DROSHA: variants seen among roughly 807,000 people sequenced by gnomAD.
DROSHA encodes the protein ribonuclease 3.
Under a neutral mutation model 181.9 loss-of-function variants are expected in DROSHA, and 56 were observed. The observed-to-expected ratio is 0.31, with a 90% confidence interval of 0.25 to 0.38. DROSHA has a LOEUF of 0.38. Ranked by LOEUF, DROSHA falls within the 10% of genes least tolerant of loss-of-function variation. The pLI is 1.00. For synonymous variants in DROSHA, 524 were observed against 591.2 expected, an observed-to-expected ratio of 0.89 and a Z score of 1.65; for missense variants, 1,218 against 1,743.5, an observed-to-expected ratio of 0.70 and a Z score of 5.37.
At chr5:31,527,043 G>T in intron 4 of DROSHA, 131 bp from the exon 5 acceptor site, 1 of 772,578 alleles carries the variant, frequency 1.3e-6, no homozygotes. Context: ...ACTGGAATAG[G>T]CCACCCATTT....
chr5:31,432,194 T>C (rs1400714178), intron 25 of DROSHA, among the ~76,000 whole-genome samples: 1 of 151,916 alleles, frequency 6.6e-6, no homozygotes, highest in Non-Finnish European at 1.5e-5. Context: ...TGCAGTGGTA[T>C]GATCTTGGCT....
At chr5:31,464,374 C>T (rs755264473) in intron 19 of DROSHA, 31 bp from the exon 20 acceptor site, 2 of 1,594,286 alleles carry the variant, frequency 1.3e-6, no homozygotes, top group South Asian at 1.1e-5. Flanking sequence ...ATGAGTAACA[C>T]AACTGCTATA....
intron 5 of DROSHA, among the ~76,000 whole-genome samples, chr5:31,524,703 G>A (rs977149486): frequency 2.0e-5 from 3 of 152,102 alleles, no homozygotes; most frequent in African/African-American, 7.2e-5. Flanking sequence ...ACACAAAAAA[G>A]TTGCATATAA....
chr5:31,486,052 T>G (rs998572017), intron 14 of DROSHA, among the ~76,000 whole-genome samples: 3 of 152,158 alleles, frequency 2.0e-5, no homozygotes, highest in African/African-American at 7.2e-5. Context: ...GCACTCGCAA[T>G]GAAAAACAAT....
chr5:31,438,857 AAAG>A (rs757490057), intron 23 of DROSHA, among the ~76,000 whole-genome samples: 4 of 152,052 alleles, frequency 2.6e-5, no homozygotes, highest in Admixed American at 1.3e-4. Context: ...GGAAGCCAGA[AAAG>A]AAGACCTGGC....
intron 3 of DROSHA, among the ~76,000 whole-genome samples, chr5:31,529,491 T>A (rs1740971700): frequency 6.6e-6 from 1 of 152,014 alleles, no homozygotes; most frequent in Admixed American, 6.6e-5. Flanking sequence ...ATCCCAGCAC[T>A]TTGGGAGGTC....
intron 19 of DROSHA, among the ~76,000 whole-genome samples, chr5:31,464,718 A>C (rs759769727): frequency 2.0e-5 from 3 of 151,910 alleles, no homozygotes; most frequent in Non-Finnish European, 4.4e-5. Flanking sequence ...GAAAGAAAGC[A>C]AATTAACCTG....
intron 11 of DROSHA, among the ~76,000 whole-genome samples, chr5:31,499,412 C>T (rs767601127): frequency 2.6e-5 from 4 of 152,220 alleles, no homozygotes; most frequent in Admixed American, 6.5e-5. Flanking sequence ...GGAGCTCAAT[C>T]GCCTCTCAAC....
intron 3 of DROSHA, among the ~76,000 whole-genome samples, chr5:31,529,984 CAT>C (rs1384903762): frequency 6.6e-6 from 1 of 152,152 alleles, no homozygotes; most frequent in African/African-American, 2.4e-5. Context: ...AAAGCTGTAA[CAT>C]AGAAACATTT....
In DROSHA at chr5:31,526,479, G is replaced by C; in HGVS notation, c.454C>G (p.Pro152Ala). 6.3e-7 allele frequency: 1 copy of C among 1,585,028 alleles called. No homozygotes were observed. The highest frequency in any genetic ancestry group is 8.6e-7 in the Non-Finnish European group (1 of 1,157,442). Residue 152 changes from proline (P) to alanine (A), a missense_variant, in exon 5 of 36, where the codon CCT becomes GCT. Coordinates refer to ENST00000344624, the MANE Select transcript of DROSHA (RefSeq NM_001382508.1). ...FPFMMPPPSM[P>A]HPPPPPVMPQ... is the part of the protein sequence containing the mutation. ...ATGACTGGAGGGGGCGGGGGATGAG[G>C]CATGGAGGGAGGGGGCATCATGAAG...
chr5:31,520,853 G>A (rs1205276388), intron 6 of DROSHA, among the ~76,000 whole-genome samples: 1 of 152,184 alleles, frequency 6.6e-6, no homozygotes, highest in East Asian at 1.9e-4. Context: ...TTTTTAAAAT[G>A]ATTAATGTAT....
intron 29 of DROSHA, among the ~76,000 whole-genome samples, chr5:31,422,113 G>A (rs1379595888): frequency 6.8e-6 from 1 of 146,484 alleles, no homozygotes; most frequent in African/African-American, 2.5e-5. Context: ...AAGAAAGAAA[G>A]AAAAAGAAAA....
At chr5:31,410,664 A>T in intron 31 of DROSHA, 82 bp downstream of exon 31, 1 of 1,496,112 alleles carries the variant, frequency 6.7e-7, no homozygotes, top group Non-Finnish European at 8.9e-7. Flanking sequence ...AGAACATAAT[A>T]ATAATGAGGA....
At position 31,411,876 on chromosome 5, in the gene DROSHA, C is replaced by CG. The variant is rs1351927821; in HGVS notation, c.3526-990_3526-989insC. Among the ~76,000 whole-genome samples, 1 of 152,242 alleles carries CG rather than the reference C, an allele frequency of 6.6e-6. No homozygotes were observed. Among genetic ancestry groups the CG allele is most frequent in the Non-Finnish European group, 1.5e-5 (1 of 68,050 alleles). Reference sequence around the variant, plus strand: ...TCCAGAGCTCAAGTGATCCACCCACCTTGACCTTTCAAAGTGTTGGGATTA... The same window carrying CG: ...TCCAGAGCTCAAGTGATCCACCCACCGTTGACCTTTCAAAGTGTTGGGATTA... On this transcript the variant is annotated intron_variant, in intron 30 of 35. Transcript: ENST00000344624. The surrounding 1 kb of genome is among the most constrained non-coding windows in gnomAD (Gnocchi z 4.2).
At chr5:31,423,154 T>C in intron 28 of DROSHA, 1 of 479,944 alleles carries the variant, frequency 2.1e-6, no homozygotes, top group Middle Eastern at 5.9e-4. Context: ...TTTCCAATCT[T>C]CTATCAAATT....
intron 6 of DROSHA, among the ~76,000 whole-genome samples, chr5:31,517,280 C>T (rs1194287057): frequency 6.6e-6 from 1 of 152,140 alleles, no homozygotes; most frequent in Non-Finnish European, 1.5e-5. Flanking sequence ...TTTCCAGTTT[C>T]TTGCTTTGAA....
At chr5:31,531,242 G>T (rs1449060753) in intron 2 of DROSHA, among the ~76,000 whole-genome samples, 1 of 152,198 alleles carries the variant, frequency 6.6e-6, no homozygotes, top group African/African-American at 2.4e-5. Context: ...AAAGGTGTGT[G>T]CCGCACCTAG....
intron 20 of DROSHA, among the ~76,000 whole-genome samples, chr5:31,462,481 G>A (rs1036806946): frequency 6.6e-6 from 1 of 151,966 alleles, no homozygotes; most frequent in Non-Finnish European, 1.5e-5. Context: ...TACCAACCTC[G>A]AAACAGAATA....
chr5:31,466,838 A>G (rs1187152707), intron 18 of DROSHA, among the ~76,000 whole-genome samples: 1 of 152,216 alleles, frequency 6.6e-6, no homozygotes, highest in Non-Finnish European at 1.5e-5. Flanking sequence ...TGTATTTACC[A>G]TGACAATATA....
Sources: allele counts gnomAD v4.1 joint callset (sites outside exome capture counted in the v4.1 genomes callset), GRCh38; gene constraint gnomAD v4.1.1; non-coding constraint Gnocchi (gnomAD v3.1); transcripts MANE v1.5; gene names NCBI Gene and HGNC (gene_info 2026-07-23, HGNC 2026-07-21).